CLVS1: variants seen among roughly 807,000 people sequenced by gnomAD.
The protein encoded by CLVS1 is clavesin 1.
Under a neutral mutation model 33.1 loss-of-function variants are expected in CLVS1, and 10 were observed. The observed-to-expected ratio is 0.30, with a 90% CI of 0.19 to 0.51. The LOEUF is 0.51. Among genes scored for constraint, CLVS1 ranks in the 20% least tolerant of loss-of-function variants. CLVS1 has a pLI of 0.97. For synonymous variants in CLVS1, 163 were observed against 166.1 expected, an observed-to-expected ratio of 0.98 and a Z score of 0.14; for missense variants, 343 against 433.4, an observed-to-expected ratio of 0.79 and a Z score of 1.85.
intron 5 of CLVS1, among the ~76,000 whole-genome samples, chr8:61,492,193 T>C (rs1183718320): frequency 6.6e-6 from 1 of 152,256 alleles, no homozygotes; most frequent in Non-Finnish European, 1.5e-5. Context: ...GAGTCACATA[T>C]GTAATTTTGA....
rs1449018789 is a variant in CLVS1, at chr8:61,500,658, T to TGAC, written c.*1118_*1119insCGA. On this transcript the variant is annotated 3_prime_UTR_variant, in exon 6 of 6. Coordinates refer to ENST00000325897, the MANE Select transcript of CLVS1 (RefSeq NM_173519.3). The stretch of plus-strand genomic sequence containing the variant: ...ACATAAAATAAACAGACATCATATA[T>TGAC]GATATCCTTACTTGTGCCATGTTTT... 6.6e-6 allele frequency: 1 copy of TGAC among 152,168 alleles called. No individual in the cohort carries two copies. The highest frequency in any genetic ancestry group is 1.9e-4 in the East Asian group (1 of 5,196). The allele number at this position is 152,168 out of a possible 1,614,324, so 9.4% of individuals were successfully genotyped here.
At chr8:61,183,152 C>T (rs190001733) in intron 2 of CLVS1, among the ~76,000 whole-genome samples, 10 of 73,008 alleles carry the variant, frequency 1.4e-4, no homozygotes, top group East Asian at 6.2e-4. Flanking sequence ...GTGGGCAGGG[C>T]GGAGGGGGGC....
At chr8:60,969,345 G>T in the CLVS1 span, among the ~76,000 whole-genome samples, 2 of 152,282 alleles carry the variant, frequency 1.3e-5, no homozygotes, top group South Asian at 4.2e-4. Flanking sequence ...AAACCCTGTA[G>T]CCCTTAGGAC....
the CLVS1 span, among the ~76,000 whole-genome samples, chr8:61,000,116 A>G: frequency 6.6e-6 from 1 of 152,202 alleles, no homozygotes; most frequent in East Asian, 1.9e-4. Flanking sequence ...TTAGGAAGAG[A>G]CTAACAATTT....
At chr8:61,217,073 A>C (rs1320457315) in intron 2 of CLVS1, among the ~76,000 whole-genome samples, 1 of 152,176 alleles carries the variant, frequency 6.6e-6, no homozygotes, top group Non-Finnish European at 1.5e-5. Context: ...AAATTTATTG[A>C]AATCTCAGCT....
intron 2 of CLVS1, among the ~76,000 whole-genome samples, chr8:61,249,583 T>C (rs563400926): frequency 1.3e-5 from 2 of 152,166 alleles, no homozygotes; most frequent in Non-Finnish European, 2.9e-5. Flanking sequence ...CCAGCATCTA[T>C]TATTTCCTGA....
chr8:60,984,025 G>C, the CLVS1 span, among the ~76,000 whole-genome samples: 4 of 152,140 alleles, frequency 2.6e-5, no homozygotes, highest in Non-Finnish European at 4.4e-5. Flanking sequence ...CCAGCCAGTT[G>C]GGTTGGCTGC....
At chr8:61,205,411 T>C (rs1455958642) in intron 2 of CLVS1, among the ~76,000 whole-genome samples, 2 of 152,260 alleles carry the variant, frequency 1.3e-5, no homozygotes, top group East Asian at 3.8e-4. Flanking sequence ...GACTTCAGTG[T>C]TCGTGAATGT....
intron 5 of CLVS1, among the ~76,000 whole-genome samples, chr8:61,462,188 G>A (rs895371966): frequency 2.6e-5 from 4 of 152,130 alleles, no homozygotes; most frequent in Non-Finnish European, 5.9e-5. Flanking sequence ...TGACGGTTGG[G>A]CTCAACTTCT....
chr8:61,387,994 G>T (rs146838726), intron 3 of CLVS1, among the ~76,000 whole-genome samples: 63 of 152,240 alleles, frequency 4.1e-4, no homozygotes, highest in African/African-American at 1.2e-3. Context: ...AGATACCGAG[G>T]AGGGGGATTG....
chr8:61,221,333 A>G (rs2978541), intron 2 of CLVS1, among the ~76,000 whole-genome samples: 1 of 151,924 alleles, frequency 6.6e-6, no homozygotes, highest in Non-Finnish European at 1.5e-5. Context: ...TCATAAATAG[A>G]TCCTATTATT....
At chr8:61,177,430 AGAC>A (rs1807135790) in intron 2 of CLVS1, among the ~76,000 whole-genome samples, 1 of 152,212 alleles carries the variant, frequency 6.6e-6, no homozygotes, top group South Asian at 2.1e-4. Context: ...CCATCAGCCC[AGAC>A]GAGTAAGATT....
At position 61,085,421 on chromosome 8, in the gene CLVS1, T is replaced by C. The variant is rs1006301466; in HGVS notation, c.-243+28191T>C. Among the ~76,000 whole-genome samples the C allele has an allele frequency of 2.0e-5, 3 of 152,142 alleles. No homozygotes were observed. The East Asian group carries it at 5.8e-4, about 29-fold the overall frequency. ...TAGAAATCATGTCTCTTCTCTCTCATCATTGCATCCCCGACAACCTCTCAA... is the reference window on the plus strand; with the variant it reads ...TAGAAATCATGTCTCTTCTCTCTCACCATTGCATCCCCGACAACCTCTCAA... On this transcript the variant is annotated intron_variant, in intron 1 of 2. Coordinates refer to the CLVS1 transcript ENST00000522621.
chr8:60,998,062 G>A, the CLVS1 span, among the ~76,000 whole-genome samples: 1 of 152,180 alleles, frequency 6.6e-6, no homozygotes, highest in Non-Finnish European at 1.5e-5. Flanking sequence ...CTGAGTTTGT[G>A]ATTTGCCCGT....
intron 2 of CLVS1, among the ~76,000 whole-genome samples, chr8:61,339,227 G>A (rs1384737358): frequency 2.0e-5 from 3 of 152,024 alleles, no homozygotes; most frequent in Non-Finnish European, 2.9e-5. Flanking sequence ...CATGGTGGTC[G>A]AGTGAGAACA....
chr8:61,328,738 G>A (rs892584087), intron 2 of CLVS1, among the ~76,000 whole-genome samples: 3 of 152,002 alleles, frequency 2.0e-5, no homozygotes, highest in Non-Finnish European at 4.4e-5. Flanking sequence ...TCCCACTTAC[G>A]TTGGTTGTCT....
chr8:61,090,820 GTACCCGATT>G, intron 1 of CLVS1: 5 of 514,154 alleles, frequency 9.7e-6, no homozygotes, highest in South Asian at 7.1e-5. Flanking sequence ...AGATTCATCT[GTACCCGATT>G]TAGATGATAA....
intron 1 of CLVS1, among the ~76,000 whole-genome samples, chr8:61,067,952 A>T (rs1297350920): frequency 6.6e-6 from 1 of 151,588 alleles, no homozygotes; most frequent in Non-Finnish European, 1.5e-5. Flanking sequence ...ACAAACCTGC[A>T]CATGTACCCC....
intron 1 of CLVS1, among the ~76,000 whole-genome samples, chr8:61,100,049 C>T (rs912731928): frequency 1.3e-5 from 2 of 152,154 alleles, no homozygotes; most frequent in Non-Finnish European, 2.9e-5. Flanking sequence ...TTTTCACTCT[C>T]CAAAGGTGTT....
Sources: allele counts gnomAD v4.1 joint callset (sites outside exome capture counted in the v4.1 genomes callset), GRCh38; gene constraint gnomAD v4.1.1; transcripts MANE v1.5; gene names NCBI Gene and HGNC (gene_info 2026-07-23, HGNC 2026-07-21).